VPS13C: variants seen among roughly 807,000 people sequenced by gnomAD.
VPS13C encodes intermembrane lipid transfer protein VPS13C.
VPS13C carries 358 observed loss-of-function variants against 456.8 expected under a neutral mutation model. The observed-to-expected ratio is 0.78, with a 90% CI of 0.72 to 0.86. The LOEUF is 0.86. Among genes scored for constraint, VPS13C ranks in the 40% least tolerant of loss-of-function variants. The pLI, the probability that VPS13C is intolerant of heterozygous loss-of-function variation, is 0.00. For missense variants in VPS13C, 4,818 were observed against 4,385.4 expected (o/e 1.10, Z -2.79); for synonymous variants, 1,578 against 1,486.7 (o/e 1.06, Z -1.41).
chr15:62,023,016 C>A (rs1464080766), intron 8 of VPS13C, among the ~76,000 whole-genome samples: 1 of 151,814 alleles, frequency 6.6e-6, no homozygotes, highest in East Asian at 1.9e-4. Flanking sequence ...GTCAAGTGAC[C>A]AGATTTTAGT....
At chr15:62,032,770 C>A (rs1272813554) in intron 5 of VPS13C, among the ~76,000 whole-genome samples, 1 of 151,624 alleles carries the variant, frequency 6.6e-6, no homozygotes, top group African/African-American at 2.4e-5. Flanking sequence ...AACTCATATA[C>A]CCTAATCAGC....
intron 71 of VPS13C, 34 bp from the exon 72 acceptor site, chr15:61,880,988 C>T (rs1292167518): frequency 6.6e-7 from 1 of 1,508,816 alleles, no homozygotes; most frequent in East Asian, 2.3e-5. Context: ...AAAAGGATTT[C>T]TACCAAATCT....
At position 61,858,682 on chromosome 15, in the gene VPS13C, T is replaced by C. The variant is rs1894061276; in HGVS notation, c.10953-2273A>G. ...GTGGGCCTGACCTAAGTTCATGGAC[T>C]ATAAATCTGCGTAAGAGACCAAGAA... On this transcript the variant is annotated intron_variant, in intron 82 of 84. Coordinates refer to ENST00000644861, the MANE Select transcript of VPS13C (RefSeq NM_020821.3). This position sits in a 1 kb window ranked among gnomAD's most constrained non-coding sequence, Gnocchi z 4.4. Among the ~76,000 whole-genome samples the C allele has an allele frequency of 6.6e-6, 1 of 152,308 alleles. No homozygotes were observed. The highest frequency in any genetic ancestry group is 1.5e-5 in the Non-Finnish European group (1 of 68,030).
intron 1 of VPS13C, among the ~76,000 whole-genome samples, chr15:62,059,650 G>C (rs932922901): frequency 2.0e-5 from 3 of 152,240 alleles, no homozygotes; most frequent in South Asian, 2.1e-4. Flanking sequence ...AATCCTCTTC[G>C]TATTGACGGA....
chr15:62,027,598 A>C (rs917857507), intron 6 of VPS13C, among the ~76,000 whole-genome samples: 2 of 152,162 alleles, frequency 1.3e-5, no homozygotes, highest in Non-Finnish European at 2.9e-5. Context: ...TATTGTTTAC[A>C]AATTTCAAGA....
rs1020399835 is a variant in VPS13C, at chr15:61,862,054, C to T, written c.10952+1386G>A. 5.3e-5 allele frequency among the ~76,000 whole-genome samples: 8 copies of T among 151,724 alleles called. No homozygotes were observed. The South Asian group carries it at 1.7e-3, about 32-fold the overall frequency. ...GGCAGAGGTTGCAGTGAGCTGAGAT[C>T]GCATCACTGGACTCCAGCCTGGGTG... On this transcript the variant is annotated intron_variant, in intron 82 of 84. Coordinates refer to ENST00000644861, the MANE Select transcript of VPS13C (RefSeq NM_020821.3).
chr15:61,918,016 A>G, intron 59 of VPS13C, 120 bp downstream of exon 59: 1 of 1,030,186 alleles, frequency 9.7e-7, no homozygotes, highest in Non-Finnish European at 1.4e-6. Flanking sequence ...TGGAAGACTA[A>G]ATTATGTCTT....
intron 81 of VPS13C, chr15:61,866,317 A>G (rs1370051064): frequency 1.0e-6 from 1 of 983,564 alleles, no homozygotes; most frequent in Non-Finnish European, 1.2e-6. Flanking sequence ...GAAATCAGAC[A>G]AGATTATATG....
intron 8 of VPS13C, among the ~76,000 whole-genome samples, chr15:62,020,824 A>G (rs1484979194): frequency 6.6e-6 from 1 of 152,022 alleles, no homozygotes; most frequent in Non-Finnish European, 1.5e-5. Flanking sequence ...TAGACAGTTA[A>G]AAAGGAATAA....
chr15:61,917,584 T>C lies in VPS13C; in HGVS notation c.7812A>G (p.Glu2604=). The C allele has an allele frequency of 6.2e-7, 1 of 1,613,916 alleles. No homozygotes were observed. The highest frequency in any genetic ancestry group is 1.1e-5 in the South Asian group (1 of 91,058). Residue 2604 remains glutamate (E), a synonymous_variant, in exon 60 of 85, where the codon GAA becomes GAG. Transcript: ENST00000644861. ...PAGILEHQYK[E]STTYISWKEE... is the part of the protein sequence containing the mutation. ...CCTTCCAGGAAATATAAGTGGTAGA[T>C]TCTTTGTACTGATGCTCTAAGATTC... is the stretch of plus-strand genomic sequence containing the variant.
chr15:62,007,440 T>C lies in VPS13C; in HGVS notation c.1158A>G (p.Ile386Met). 1 of 1,599,356 alleles carries C rather than the reference T, an allele frequency of 6.3e-7. No homozygotes were observed. Among genetic ancestry groups the C allele is most frequent in the Non-Finnish European group, 8.5e-7 (1 of 1,174,492 alleles). Residue 386 changes from isoleucine (I) to methionine (M), a missense_variant, in exon 15 of 85, where the codon ATA becomes ATG. By Grantham distance (10) the Ile-to-Met change is conservative. Transcript: ENST00000644861. ...ATGACCACATCTGTGTATACCTTCT[T>C]ATATGAACTTCAAGAACAGAATCAA... ...YAIDSVLEVH[I>M]RRYTQMWSWS...
At chr15:61,914,664 G>A (rs1171717812) in intron 61 of VPS13C, among the ~76,000 whole-genome samples, 1 of 151,052 alleles carries the variant, frequency 6.6e-6, no homozygotes, top group African/African-American at 2.4e-5. Context: ...GGGTTCAAGT[G>A]ATTCTCCTGC....
chr15:61,921,306 C>T (rs1451694814), intron 55 of VPS13C, among the ~76,000 whole-genome samples: 4 of 151,948 alleles, frequency 2.6e-5, no homozygotes, highest in Non-Finnish European at 5.9e-5. Context: ...GTAAGGCTGC[C>T]CCAAAGAAGT....
rs767103295 is a variant in VPS13C, at chr15:61,959,483, C to T, written c.4021G>A (p.Val1341Ile). The T allele has an allele frequency of 6.2e-7, 1 of 1,612,738 alleles. No individual in the cohort carries two copies. Among genetic ancestry groups the T allele is most frequent in the Non-Finnish European group, 8.5e-7 (1 of 1,179,080 alleles). The change falls in exon 36 of 85, where the codon GTT becomes ATT. Residue 1341 changes from valine to isoleucine, a missense_variant. Physicochemically the swap from Val to Ile is conservative, Grantham distance 29. This residue lies in a region of VPS13C where 4,552 missense variants were observed against 4,130.6 expected (regional missense o/e 1.10). Coordinates refer to ENST00000644861, the MANE Select transcript of VPS13C (RefSeq NM_020821.3). ...TCAAGATGTCCTTTAATTTCCACAA[C>T]AGGCACCTTGTGGTACCAAGATGCA... ...LAASWYHKVP[V>I]VEIKGHLDSM...
chr15:61,866,655 G>A, intron 81 of VPS13C: 1 of 985,088 alleles, frequency 1.0e-6, no homozygotes, highest in East Asian at 1.1e-4. Context: ...CACAAGAAAG[G>A]TTTGTCAGCT....
At chr15:61,999,392 AAGAG>A (rs563952682) in intron 16 of VPS13C, among the ~76,000 whole-genome samples, 1,850 of 151,232 alleles carry the variant, frequency 0.012, 21 homozygotes, top group Middle Eastern at 0.049. Context: ...AAAAAAAAAA[AAGAG>A]AGAGAGAGAG....
intron 6 of VPS13C, among the ~76,000 whole-genome samples, chr15:62,027,819 C>A (rs2047686923): frequency 6.6e-6 from 1 of 151,890 alleles, no homozygotes; most frequent in Admixed American, 6.6e-5. Context: ...TTTAATTTGC[C>A]TTTTGCGAAG....
intron 9 of VPS13C, among the ~76,000 whole-genome samples, chr15:62,015,214 G>A (rs2047188131): frequency 6.6e-6 from 1 of 152,092 alleles, no homozygotes; most frequent in Non-Finnish European, 1.5e-5. Flanking sequence ...CTTTAAAGGT[G>A]TTACTGTATA....
chr15:61,958,982 A>T (rs1351180138), intron 36 of VPS13C, among the ~76,000 whole-genome samples: 1 of 152,030 alleles, frequency 6.6e-6, no homozygotes, highest in Non-Finnish European at 1.5e-5. Flanking sequence ...TGTTTATTGA[A>T]AGTTAATTAT....
Sources: allele counts gnomAD v4.1 joint callset (sites outside exome capture counted in the v4.1 genomes callset), GRCh38; gene constraint gnomAD v4.1.1; regional missense constraint gnomAD v4.1.1; non-coding constraint Gnocchi (gnomAD v3.1); transcripts MANE v1.5; gene names NCBI Gene and HGNC (gene_info 2026-07-23, HGNC 2026-07-21).